The following CRTC1 variants were observed in gnomAD, a reference collection of about 807,000 sequenced individuals.
CRTC1 encodes the protein CREB-regulated transcription coactivator 1.
A neutral mutation model predicts 66.1 loss-of-function variants in CRTC1; 18 were observed. The ratio of observed to expected loss-of-function variants is 0.27; its 90% CI spans 0.19 to 0.40. CRTC1 has a LOEUF of 0.40. CRTC1 is among the 10% of genes least tolerant of loss of function. The pLI, the probability that CRTC1 is intolerant of heterozygous loss-of-function variation, is 1.00. For missense variants in CRTC1, 669 were observed against 887.9 expected, an observed-to-expected ratio of 0.75 and a Z score of 3.13; for synonymous variants, 416 against 398.8, an observed-to-expected ratio of 1.04 and a Z score of -0.51.
chr19:18,731,416 C>T (rs1007636150), intron 1 of CRTC1, among the ~76,000 whole-genome samples: 5 of 152,316 alleles, frequency 3.3e-5, no homozygotes, highest in African/African-American at 1.2e-4. Context: ...GTGTCTCTGT[C>T]CTCCCCTCTC....
intron 13 of CRTC1, 54 bp downstream of exon 13, chr19:18,775,875 C>A (rs1325401702): frequency 6.7e-7 from 1 of 1,495,780 alleles, no homozygotes; most frequent in Non-Finnish European, 8.9e-7. Flanking sequence ...TCAGCCCGTG[C>A]GGAGACAGCC....
intron 1 of CRTC1, among the ~76,000 whole-genome samples, chr19:18,688,789 C>T (rs1279087742): frequency 6.6e-6 from 1 of 152,040 alleles, no homozygotes; most frequent in Non-Finnish European, 1.5e-5. Flanking sequence ...TGGCATTCCG[C>T]CACTCAGTGG....
Position 18,683,690 on chromosome 19 carries a change from T to C in CRTC1, c.-13T>C, listed in dbSNP as rs1600726022. 14 of 1,365,604 alleles carry C rather than the reference T, an allele frequency of 1.0e-5. No homozygotes were observed. Among genetic ancestry groups the C allele is most frequent in the Admixed American group, 2.4e-5 (1 of 41,512 alleles). 84.6% of individuals were successfully genotyped at this position (1,365,604 alleles called of 1,614,324 possible). On this transcript the variant is annotated 5_prime_UTR_variant, in exon 1 of 14. Transcript: ENST00000321949. ...GAGGAGGAGGAGGAGGAGGAGGAGG[T>C]GGCGGCGAGAAGATGGCGACTTCGA...
At position 18,703,021 on chromosome 19, in the gene CRTC1, C is replaced by T. The variant is rs571039397; in HGVS notation, c.126+19193C>T. ...CAATTTCCTGGGCTCAGGCAGTCCT[C>T]CTGCCTCAGCCTCCTGAATAGCTGA... On this transcript the variant is annotated intron_variant, in intron 1 of 13. Transcript: ENST00000321949. Among the ~76,000 whole-genome samples the T allele has an allele frequency of 6.6e-5, 10 of 152,070 alleles. No homozygotes were observed. In the South Asian group the frequency reaches 1.0e-3, roughly 16 times the overall value.
chr19:18,710,346 C>T (rs2053363042), intron 1 of CRTC1, among the ~76,000 whole-genome samples: 1 of 152,216 alleles, frequency 6.6e-6, no homozygotes, highest in South Asian at 2.1e-4. Context: ...ACGTCCCTCC[C>T]TGGCCTCCCG....
At chr19:18,754,215 A>G (rs2054435883) in intron 6 of CRTC1, among the ~76,000 whole-genome samples, 1 of 152,168 alleles carries the variant, frequency 6.6e-6, no homozygotes. Flanking sequence ...CTGTGCCAAA[A>G]TCCTTTCAAA....
intron 1 of CRTC1, among the ~76,000 whole-genome samples, chr19:18,733,287 G>A (rs1273364620): frequency 3.3e-5 from 5 of 152,172 alleles, no homozygotes; most frequent in Non-Finnish European, 7.3e-5. Context: ...CAGGGCTGGA[G>A]TCTCTTTTGT....
chr19:18,779,914 C>T lies in CRTC1; in HGVS notation c.*2532C>T, dbSNP rs1357258433. ...GCCAGCAGCCAGGCGTCCCTGTGTTCCAGAAGGATTCACGCCCCTCCTGGA... is the reference window on the plus strand; with the variant it reads ...GCCAGCAGCCAGGCGTCCCTGTGTTTCAGAAGGATTCACGCCCCTCCTGGA... On this transcript the variant is annotated 3_prime_UTR_variant, in exon 14 of 14. Transcript: ENST00000321949. 3 of 229,332 alleles carry T rather than the reference C, an allele frequency of 1.3e-5. No individual in the cohort carries two copies. Among genetic ancestry groups the T allele is most frequent in the Non-Finnish European group, 2.6e-5 (3 of 115,732 alleles). The allele number at this position is 229,332 out of a possible 1,614,324, so 14.2% of individuals were successfully genotyped here.
In CRTC1 at chr19:18,771,048, G is replaced by T. The variant is rs1020217525; in HGVS notation, c.1321-394G>T. ...TGCACATGTGTGGGTGTGCATGTGTGGGTATGTATATTCTAGTGTGGATAT... is the reference window on the plus strand; with the variant it reads ...TGCACATGTGTGGGTGTGCATGTGTTGGTATGTATATTCTAGTGTGGATAT... On this transcript the variant is annotated intron_variant, in intron 10 of 13. Transcript: ENST00000321949. This position sits in a 1 kb window ranked among gnomAD's most constrained non-coding sequence, Gnocchi z 4.6. 6.6e-6 allele frequency among the ~76,000 whole-genome samples: 1 copy of T among 152,060 alleles called. No individual in the cohort carries two copies. The highest frequency in any genetic ancestry group is 1.5e-5 in the Non-Finnish European group (1 of 67,982).
At chr19:18,726,235 C>T (rs909773985) in intron 1 of CRTC1, among the ~76,000 whole-genome samples, 2 of 152,268 alleles carry the variant, frequency 1.3e-5, no homozygotes, top group South Asian at 2.1e-4. Flanking sequence ...ATGGCTCAGC[C>T]GGCGCTCCCA....
In CRTC1 at chr19:18,782,096, C is replaced by T. The variant is rs886124892; in HGVS notation, c.*4714C>T. 9 of 224,138 alleles carry T rather than the reference C, an allele frequency of 4.0e-5. No individual in the cohort carries two copies. Among genetic ancestry groups the T allele is most frequent in the African/African-American group, 8.9e-5 (4 of 44,760 alleles). The allele number at this position is 224,138 out of a possible 1,614,324, so 13.9% of individuals were successfully genotyped here. A position where few individuals can be genotyped will look rare whatever the true frequency, so the allele number is the denominator to read the frequency against. On this transcript the variant is annotated 3_prime_UTR_variant, in exon 14 of 14. Coordinates refer to ENST00000321949, the MANE Select transcript of CRTC1 (RefSeq NM_015321.3). Reference sequence around the variant, plus strand: ...ACTGATATATGCAAACCCGCCGGTCCGAGCCCTGTTCCTGCCTGTGCTCCT... The same window carrying T: ...ACTGATATATGCAAACCCGCCGGTCTGAGCCCTGTTCCTGCCTGTGCTCCT...
chr19:18,765,644 T>A, intron 9 of CRTC1, 116 bp downstream of exon 9: 1 of 978,712 alleles, frequency 1.0e-6, no homozygotes, highest in Non-Finnish European at 1.4e-6. Flanking sequence ...TTGAGAATGC[T>A]CCCAACACTT....
At chr19:18,703,858 A>T (rs755065128) in intron 1 of CRTC1, among the ~76,000 whole-genome samples, 4 of 152,200 alleles carry the variant, frequency 2.6e-5, no homozygotes, top group Non-Finnish European at 5.9e-5. Flanking sequence ...TTGGCCTCCC[A>T]AAATGCTGGG....
intron 1 of CRTC1, among the ~76,000 whole-genome samples, chr19:18,703,013 G>A (rs1568485015): frequency 6.6e-6 from 1 of 151,898 alleles, no homozygotes; most frequent in South Asian, 2.1e-4. Context: ...CTGGGCTCAG[G>A]CAGTCCTCCT....
At chr19:18,731,813 G>A (rs1409500398) in intron 1 of CRTC1, among the ~76,000 whole-genome samples, 2 of 152,214 alleles carry the variant, frequency 1.3e-5, no homozygotes, top group Non-Finnish European at 2.9e-5. Flanking sequence ...GCTGCCCCGG[G>A]GGGTGGGGGG....
intron 1 of CRTC1, among the ~76,000 whole-genome samples, chr19:18,696,932 G>C (rs1166445860): frequency 2.0e-5 from 3 of 151,968 alleles, no homozygotes; most frequent in African/African-American, 7.2e-5. Context: ...GGGGAGGGGT[G>C]GGGGGTAGGA....
At chr19:18,686,302 C>T (rs1295609967) in intron 1 of CRTC1, among the ~76,000 whole-genome samples, 4 of 152,128 alleles carry the variant, frequency 2.6e-5, no homozygotes, top group Admixed American at 6.6e-5. Flanking sequence ...AGTAATATTC[C>T]GTTGTATGGA....
intron 3 of CRTC1, among the ~76,000 whole-genome samples, chr19:18,746,396 C>T (rs1042363141): frequency 7.2e-5 from 11 of 152,076 alleles, no homozygotes; most frequent in African/African-American, 2.4e-4. Flanking sequence ...GAGACCCGGA[C>T]GCATCCAAGG....
intron 6 of CRTC1, among the ~76,000 whole-genome samples, chr19:18,758,880 C>G (rs2054551203): frequency 6.6e-6 from 1 of 152,216 alleles, no homozygotes; most frequent in South Asian, 2.1e-4. Context: ...ACCCCTGCCA[C>G]CATGATCTGG....
Sources: allele counts gnomAD v4.1 joint callset (sites outside exome capture counted in the v4.1 genomes callset), GRCh38; gene constraint gnomAD v4.1.1; non-coding constraint Gnocchi (gnomAD v3.1); transcripts MANE v1.5; gene names NCBI Gene and HGNC (gene_info 2026-07-23, HGNC 2026-07-21).